MDGA2: variants seen among roughly 807,000 people sequenced by gnomAD.
The protein encoded by MDGA2 is MAM domain-containing glycosylphosphatidylinositol anchor protein 2.
In MDGA2, 40 loss-of-function variants were observed where a neutral mutation model predicts 117.8. The observed-to-expected ratio is 0.34, with a 90% confidence interval of 0.26 to 0.44. The LOEUF is 0.44. MDGA2 is among the 20% of genes least tolerant of loss of function. The pLI is 1.00. For synonymous variants in MDGA2, 452 were observed against 439.0 expected (o/e 1.03, Z -0.37); for missense variants, 1,123 against 1,250.6 (o/e 0.90, Z 1.54).
chr14:47,039,125 A>T (rs1053355386), intron 7 of MDGA2, among the ~76,000 whole-genome samples: 1 of 151,974 alleles, frequency 6.6e-6, no homozygotes, highest in African/African-American at 2.4e-5. Flanking sequence ...TGTTCTTATA[A>T]TTTTTTCTGT....
At chr14:47,398,743 T>C (rs12431710) in intron 1 of MDGA2, among the ~76,000 whole-genome samples, 117,371 of 152,062 alleles carry the variant, frequency 0.77, 45,530 homozygotes, top group Middle Eastern at 0.85. Context: ...CCCTAATATG[T>C]AGCACAAACT....
At chr14:47,169,015 T>TATAG (rs998887888) in intron 3 of MDGA2, among the ~76,000 whole-genome samples, 5 of 152,074 alleles carry the variant, frequency 3.3e-5, no homozygotes, top group Admixed American at 6.6e-5. Context: ...AATTCAGATA[T>TATAG]ATAGATAGAT....
chr14:47,519,367 A>G (rs1894821783), intron 1 of MDGA2, among the ~76,000 whole-genome samples: 1 of 152,178 alleles, frequency 6.6e-6, no homozygotes. Flanking sequence ...ATAGGATGGA[A>G]GGTCCACATG....
At chr14:47,212,696 T>G (rs1046516251) in intron 3 of MDGA2, among the ~76,000 whole-genome samples, 3 of 152,216 alleles carry the variant, frequency 2.0e-5, no homozygotes, top group African/African-American at 7.2e-5. Context: ...ATTTATAGCG[T>G]GCTTTTGGTT....
chr14:47,497,612 G>T (rs944447205), intron 1 of MDGA2, among the ~76,000 whole-genome samples: 1 of 152,046 alleles, frequency 6.6e-6, no homozygotes, highest in African/African-American at 2.4e-5. Context: ...AAACATTACC[G>T]CTGATTGGTT....
intron 3 of MDGA2, among the ~76,000 whole-genome samples, chr14:47,212,555 T>C (rs946400626): frequency 6.6e-6 from 1 of 152,180 alleles, no homozygotes; most frequent in Non-Finnish European, 1.5e-5. Flanking sequence ...ATAAATGCTT[T>C]TGCCTTCATA....
At chr14:46,926,112 T>C (rs1595048773) in intron 9 of MDGA2, among the ~76,000 whole-genome samples, 1 of 152,288 alleles carries the variant, frequency 6.6e-6, no homozygotes, top group East Asian at 1.9e-4. Context: ...CTTAGTGATA[T>C]AAGATGTTGA....
intron 2 of MDGA2, among the ~76,000 whole-genome samples, chr14:47,221,960 A>C (rs1341612329): frequency 6.6e-6 from 1 of 151,966 alleles, no homozygotes; most frequent in Non-Finnish European, 1.5e-5. Flanking sequence ...GTGGTGAAAC[A>C]TTTAAAACCT....
At chr14:46,876,084 T>C (rs1208451947) in intron 12 of MDGA2, among the ~76,000 whole-genome samples, 1 of 151,540 alleles carries the variant, frequency 6.6e-6, no homozygotes, top group Non-Finnish European at 1.5e-5. Flanking sequence ...AAATTTTTCA[T>C]CGTTTAGGTT....
rs568576103 is a variant in MDGA2 at position 46,868,301 on chromosome 14, G to A, written c.2752+5132C>T. ...CTTAGATGATTAAACAGGAGAAAAA[G>A]TACTTATTCAATTAGATAAACAAAT... On this transcript the variant is annotated intron_variant, in intron 14 of 16. Coordinates refer to ENST00000399232, the MANE Select transcript of MDGA2 (RefSeq NM_001113498.3). Among the ~76,000 whole-genome samples, 18 of 152,068 alleles carry A rather than the reference G, an allele frequency of 1.2e-4. No individual in the cohort carries two copies. The East Asian group carries it at 3.3e-3, about 28-fold the overall frequency.
intron 1 of MDGA2, among the ~76,000 whole-genome samples, chr14:47,604,424 C>T (rs1436793048): frequency 1.3e-5 from 2 of 151,482 alleles, no homozygotes; most frequent in Admixed American, 1.3e-4. Context: ...TCAAGCTATC[C>T]TCTCACCTCA....
chr14:47,395,770 T>A (rs987716816), intron 1 of MDGA2, among the ~76,000 whole-genome samples: 2 of 152,134 alleles, frequency 1.3e-5, no homozygotes, highest in African/African-American at 2.4e-5. Flanking sequence ...AATGAATTCA[T>A]ACATAATTAT....
intron 1 of MDGA2, among the ~76,000 whole-genome samples, chr14:47,671,944 T>C (rs1339527375): frequency 1.3e-5 from 2 of 152,202 alleles, no homozygotes; most frequent in Non-Finnish European, 2.9e-5. Context: ...GCAATGAAAC[T>C]GTAAGCCTAT....
intron 10 of MDGA2, among the ~76,000 whole-genome samples, chr14:46,905,979 A>C (rs1883476973): frequency 6.6e-6 from 1 of 152,040 alleles, no homozygotes; most frequent in Non-Finnish European, 1.5e-5. Context: ...TTGTTATATT[A>C]ATGTTAAACT....
At chr14:47,013,679 T>C (rs923778070) in intron 8 of MDGA2, among the ~76,000 whole-genome samples, 2 of 150,148 alleles carry the variant, frequency 1.3e-5, no homozygotes, top group African/African-American at 4.9e-5. Context: ...AATGTATTAC[T>C]TAAATAATAA....
At chr14:46,857,027 A>G (rs1216185568) in intron 14 of MDGA2, among the ~76,000 whole-genome samples, 1 of 152,076 alleles carries the variant, frequency 6.6e-6, no homozygotes, top group Non-Finnish European at 1.5e-5. Context: ...AAATGTAACA[A>G]CCTTACACAA....
intron 10 of MDGA2, among the ~76,000 whole-genome samples, chr14:46,889,983 ACT>A (rs1188920983): frequency 6.6e-6 from 1 of 151,692 alleles, no homozygotes; most frequent in Non-Finnish European, 1.5e-5. Flanking sequence ...TATAGGACCC[ACT>A]CTATTGTTCT....
At chr14:46,847,401 G>A (rs1343813346) in intron 15 of MDGA2, among the ~76,000 whole-genome samples, 1 of 151,978 alleles carries the variant, frequency 6.6e-6, no homozygotes, top group African/African-American at 2.4e-5. Flanking sequence ...AAACAAAATG[G>A]CAGCTGTAGT....
chr14:47,535,987 A>G (rs1054182217), intron 1 of MDGA2, among the ~76,000 whole-genome samples: 1 of 152,230 alleles, frequency 6.6e-6, no homozygotes, highest in African/African-American at 2.4e-5. Flanking sequence ...GAAGAGGTTA[A>G]CTGAGCCCTC....
Sources: gnomAD v4.1 joint callset for allele counts (sites outside exome capture counted in the v4.1 genomes callset) on GRCh38, gnomAD v4.1.1 for gene constraint, MANE v1.5 for transcripts, NCBI Gene and HGNC (gene_info 2026-07-23, HGNC 2026-07-21) for gene names.